The following PRELID2 variants were observed in gnomAD, a reference collection of about 807,000 sequenced individuals.
PRELID2 encodes the protein PRELI domain containing 2.
A neutral mutation model predicts 28.4 loss-of-function variants in PRELID2; 25 were observed. The observed-to-expected ratio is 0.88, with a 90% confidence interval of 0.64 to 1.23. The LOEUF (loss-of-function observed/expected upper bound fraction) is 1.23, where lower values mean the gene tolerates loss of function less well. Ranked by LOEUF, PRELID2 falls within the 50% of genes most tolerant of loss-of-function variation. The pLI is 0.00. For synonymous variants in PRELID2, 76 were observed against 71.6 expected (o/e 1.06, Z -0.31); for missense variants, 201 against 214.4 (o/e 0.94, Z 0.39).
chr5:145,584,266 T>TA (rs1178499118), intron 1 of PRELID2, among the ~76,000 whole-genome samples: 1 of 152,066 alleles, frequency 6.6e-6, no homozygotes, highest in African/African-American at 2.4e-5. Flanking sequence ...ACCCCTTTCT[T>TA]ACACCTTATA....
At chr5:145,231,251 ATAT>A in the PRELID2 span, among the ~76,000 whole-genome samples, 1 of 151,080 alleles carries the variant, frequency 6.6e-6, no homozygotes, top group Non-Finnish European at 1.5e-5. Context: ...TTTTGACATT[ATAT>A]TATTATTTTT....
At chr5:145,273,321 A>C in the PRELID2 span, among the ~76,000 whole-genome samples, 1 of 151,910 alleles carries the variant, frequency 6.6e-6, no homozygotes, top group East Asian at 1.9e-4. Flanking sequence ...GCTTTTCTGT[A>C]TCCTGCTTTT....
intron 1 of PRELID2, among the ~76,000 whole-genome samples, chr5:145,606,959 G>C (rs145429712): frequency 1.9e-3 from 296 of 152,158 alleles, no homozygotes; most frequent in African/African-American, 6.7e-3. Flanking sequence ...TTTCTTCCTG[G>C]ATCAATCTTG....
At chr5:145,363,940 GA>G in the PRELID2 span, among the ~76,000 whole-genome samples, 118 of 151,910 alleles carry the variant, frequency 7.8e-4, no homozygotes, top group African/African-American at 2.7e-3. Context: ...ATTATTTGGA[GA>G]AAAAAATCTT....
chr5:145,285,658 C>T, the PRELID2 span, among the ~76,000 whole-genome samples: 16 of 152,130 alleles, frequency 1.1e-4, no homozygotes, highest in African/African-American at 3.9e-4. Flanking sequence ...ACAACAACAG[C>T]AACAAAACCC....
At chr5:145,448,395 G>C in the PRELID2 span, among the ~76,000 whole-genome samples, 1 of 151,930 alleles carries the variant, frequency 6.6e-6, no homozygotes, top group Non-Finnish European at 1.5e-5. Context: ...TGAGTAGGTT[G>C]CGAAAATTTT....
the PRELID2 span, among the ~76,000 whole-genome samples, chr5:145,254,734 AC>A: frequency 6.6e-6 from 1 of 151,944 alleles, no homozygotes; most frequent in Non-Finnish European, 1.5e-5. Context: ...AATTTCAAAA[AC>A]CCGGCAGGCA....
At chr5:145,628,682 T>A (rs1753889943) in intron 1 of PRELID2, among the ~76,000 whole-genome samples, 1 of 152,136 alleles carries the variant, frequency 6.6e-6, no homozygotes, top group Non-Finnish European at 1.5e-5. Flanking sequence ...AAATAACCCC[T>A]TTATCACAGC....
chr5:145,726,079 G>A (rs1341378292), intron 1 of PRELID2, among the ~76,000 whole-genome samples: 1 of 151,892 alleles, frequency 6.6e-6, no homozygotes, highest in South Asian at 2.1e-4. Flanking sequence ...TGAGGTGGGA[G>A]GATTGCTTGA....
At chr5:145,656,778 GC>G (rs1267224858) in intron 1 of PRELID2, among the ~76,000 whole-genome samples, 4 of 151,318 alleles carry the variant, frequency 2.6e-5, no homozygotes, top group Non-Finnish European at 5.9e-5. Flanking sequence ...GGGAGGGATA[GC>G]ATTAGGAGAT....
intron 1 of PRELID2, among the ~76,000 whole-genome samples, chr5:145,589,107 C>T (rs950251873): frequency 2.0e-5 from 3 of 152,096 alleles, no homozygotes; most frequent in African/African-American, 7.2e-5. Context: ...GCACAAAATA[C>T]CTACTGCACA....
Position 145,559,849 on chromosome 5 carries a change from A to AAG in PRELID2, n.71-86535_71-86534insCT, listed in dbSNP as rs372555832. ...GGTAAAAAGAGGTAAAAAAAAAAAA[A>AAG]AAGAAGAAGAAGAAGAAGAAAAAGA... On this transcript the variant is annotated intron_variant and non_coding_transcript_variant, in intron 1 of 2. Coordinates refer to the PRELID2 transcript ENST00000510259. Among the ~76,000 whole-genome samples, 410 of 148,738 alleles carry AAG rather than the reference A, an allele frequency of 2.8e-3. 3 individuals are homozygous for AAG. The highest frequency in any genetic ancestry group is 4.0e-3 in the Non-Finnish European group (273 of 67,660).
At chr5:145,577,342 C>T (rs928118729) in intron 1 of PRELID2, among the ~76,000 whole-genome samples, 1 of 151,918 alleles carries the variant, frequency 6.6e-6, no homozygotes, top group Non-Finnish European at 1.5e-5. Context: ...ATAAAATACA[C>T]AGAAACAATT....
At chr5:145,440,407 T>C in the PRELID2 span, among the ~76,000 whole-genome samples, 13 of 152,138 alleles carry the variant, frequency 8.5e-5, no homozygotes, top group African/African-American at 3.1e-4. Flanking sequence ...AGAAAAATTA[T>C]AGTTTATTTC....
intron 1 of PRELID2, among the ~76,000 whole-genome samples, chr5:145,589,551 G>T (rs1667414986): frequency 6.6e-6 from 1 of 151,740 alleles, no homozygotes; most frequent in Non-Finnish European, 1.5e-5. Flanking sequence ...TTCTAGTAAG[G>T]CTGAATTTTT....
the PRELID2 span, among the ~76,000 whole-genome samples, chr5:145,392,529 G>A: frequency 3.9e-4 from 60 of 152,258 alleles, no homozygotes; most frequent in African/African-American, 1.2e-3. Context: ...CACAGAGAGC[G>A]TATGTAGTAA....
chr5:145,608,725 G>C (rs1178501177), intron 1 of PRELID2, among the ~76,000 whole-genome samples: 10 of 152,174 alleles, frequency 6.6e-5, no homozygotes, highest in Admixed American at 5.9e-4. Flanking sequence ...TCTTAGGGAT[G>C]GTCATCTTGT....
At chr5:145,518,550 T>C (rs758023098) in intron 1 of PRELID2, among the ~76,000 whole-genome samples, 61 of 152,300 alleles carry the variant, frequency 4.0e-4, no homozygotes, top group Non-Finnish European at 7.9e-4. Flanking sequence ...GACATCTAAA[T>C]ACAGATGTTG....
intron 5 of PRELID2, among the ~76,000 whole-genome samples, chr5:145,794,557 T>G (rs1288976038): frequency 6.6e-6 from 1 of 152,122 alleles, no homozygotes; most frequent in Non-Finnish European, 1.5e-5. Flanking sequence ...TCTGTGACCT[T>G]GAAGAAACAC....
Sources: allele counts gnomAD v4.1 joint callset (sites outside exome capture counted in the v4.1 genomes callset), GRCh38; gene constraint gnomAD v4.1.1; transcripts MANE v1.5; gene names NCBI Gene and HGNC (gene_info 2026-07-23, HGNC 2026-07-21).